The following DNAH9 variants were observed in gnomAD, a reference collection of about 807,000 sequenced individuals.
DNAH9 encodes DNAH9 variant protein.
DNAH9 carries 345 observed loss-of-function variants against 471.6 expected under a neutral mutation model. The observed-to-expected ratio is 0.73, with a 90% CI of 0.67 to 0.80. DNAH9 has a LOEUF of 0.80. Among genes scored for constraint, DNAH9 ranks in the 30% least tolerant of loss-of-function variants. The probability of loss-of-function intolerance (pLI) is 0.00; values close to 1 mark genes in which losing one functional copy is unlikely to be tolerated. For missense variants in DNAH9, 5,407 were observed against 5,609.2 expected, an observed-to-expected ratio of 0.96 and a Z score of 1.15; for synonymous variants, 2,093 against 2,123.6, an observed-to-expected ratio of 0.99 and a Z score of 0.40.
intron 19 of DNAH9, among the ~76,000 whole-genome samples, chr17:11,682,076 T>A (rs2150743242): frequency 6.6e-6 from 1 of 152,292 alleles, no homozygotes; most frequent in South Asian, 2.1e-4. Context: ...CTGGTTGTTG[T>A]CTGGGAGTTT....
rs1331883139 is a variant in DNAH9, at chr17:11,690,056, C to T, written c.4234C>T (p.Gln1412Ter). 3.1e-6 allele frequency: 5 copies of T among 1,614,030 alleles called. No homozygotes were observed. The highest frequency in any genetic ancestry group is 4.2e-6 in the Non-Finnish European group (5 of 1,180,010). ...CACCCTAGCGCACCTGCTGCAGCTC[C>T]AGCTGCACCACTATGAGGATGAGGT... Reference protein sequence around the residue: ...DTTLAHLLQLQLHHYEDEVRG... With the variant: ...DTTLAHLLQL Residue 1412 changes from glutamine (Q) to a stop codon, truncating the protein, a stop_gained, in exon 20 of 69, where the codon CAG becomes TAG. Coordinates refer to ENST00000262442, the MANE Select transcript of DNAH9 (RefSeq NM_001372.4). LOFTEE classifies it high-confidence loss of function.
intron 17 of DNAH9, among the ~76,000 whole-genome samples, chr17:11,674,613 G>A (rs2074022184): frequency 6.6e-6 from 1 of 151,810 alleles, no homozygotes. Context: ...TGTATGTCTT[G>A]CAAATGGAGT....
chr17:11,755,786 A>G (rs1967358774), intron 33 of DNAH9, among the ~76,000 whole-genome samples: 1 of 152,178 alleles, frequency 6.6e-6, no homozygotes, highest in Non-Finnish European at 1.5e-5. Context: ...CATCACAAAG[A>G]AGGAATATAT....
Position 11,701,189 on chromosome 17 carries a change from G to T in DNAH9, c.5093G>T (p.Gly1698Val), listed in dbSNP as rs765344007. ...KATVRHEMTE[G>V]VTAYEEKPRE... Reference sequence around the variant, plus strand: ...ACTGTGAGGCATGAGATGACAGAAGGTGTAACTGCCTATGAAGAAAAGCCG... The same window carrying T: ...ACTGTGAGGCATGAGATGACAGAAGTTGTAACTGCCTATGAAGAAAAGCCG... The change falls in exon 24 of 69, where the codon GGT (glycine) becomes GTT (valine). Residue 1698 changes from glycine (G) to valine (V), a missense_variant. Physicochemically the swap from Gly to Val is moderately radical, Grantham distance 109. This residue lies in a region of DNAH9 where 4,636 missense variants were observed against 4,900.3 expected (regional missense o/e 0.95). Coordinates refer to ENST00000262442, the MANE Select transcript of DNAH9 (RefSeq NM_001372.4). 1.9e-6 allele frequency: 3 copies of T among 1,614,094 alleles called. No homozygotes were observed. Among genetic ancestry groups the T allele is most frequent in the Non-Finnish European group, 2.5e-6 (3 of 1,179,988 alleles).
chr17:11,659,820 C>CT (rs1481489746), intron 14 of DNAH9, among the ~76,000 whole-genome samples: 1 of 152,202 alleles, frequency 6.6e-6, no homozygotes, highest in Non-Finnish European at 1.5e-5. Flanking sequence ...CGTTGGCCCC[C>CT]TGGGCCCACC....
At chr17:11,869,848 C>T (rs1235145194) in intron 51 of DNAH9, among the ~76,000 whole-genome samples, 18 of 152,194 alleles carry the variant, frequency 1.2e-4, no homozygotes, top group Non-Finnish European at 1.0e-4. Flanking sequence ...CATAATATCT[C>T]ACAAGTTTGT....
At chr17:11,750,113 C>T (rs890878603) in intron 32 of DNAH9, among the ~76,000 whole-genome samples, 36 of 151,940 alleles carry the variant, frequency 2.4e-4, no homozygotes, top group Non-Finnish European at 4.3e-4. Context: ...AAGGTAACTT[C>T]GAAGTAAATG....
At chr17:11,694,209 T>C in intron 21 of DNAH9, 112 bp from the exon 22 acceptor site, 2 of 1,326,000 alleles carry the variant, frequency 1.5e-6, no homozygotes, top group East Asian at 4.6e-5. Context: ...TAAGTGTTTC[T>C]TGTGCTAATG....
intron 43 of DNAH9, among the ~76,000 whole-genome samples, chr17:11,803,139 T>C (rs1463000928): frequency 6.6e-6 from 1 of 152,258 alleles, no homozygotes; most frequent in Non-Finnish European, 1.5e-5. Flanking sequence ...GTAGTACCAC[T>C]TTTCTACTGA....
chr17:11,601,341 AAAGG>A lies in DNAH9; in HGVS notation c.417+2432_417+2435del, dbSNP rs1283458358. 3.5e-5 allele frequency among the ~76,000 whole-genome samples: 5 copies of A among 142,282 alleles called. No homozygotes were observed. In the South Asian group the frequency reaches 1.1e-3, roughly 30 times the overall value. The allele number at this position is 142,282 out of a possible 152,430, so 93.3% of individuals were successfully genotyped here. A position where few individuals can be genotyped will look rare whatever the true frequency, so the allele number is the denominator to read the frequency against. ...AAAAGAAAGGAGGGGAAGAAGAGAG[AAAGG>A]AAGGAGGGAAGGGAGGGTGGGAGGG... is the stretch of plus-strand genomic sequence containing the variant. On this transcript the variant is annotated intron_variant, in intron 1 of 68. Transcript: ENST00000262442.
chr17:11,775,595 C>CTTTTTTT lies in DNAH9; in HGVS notation c.7553-5393_7553-5387dup, dbSNP rs71142246. ...GCTATTTTTCTCAAAATCAGATGTT[C>CTTTTTTT]TTTTTTTTTTTTTTTTTTTTTTTTT... On this transcript the variant is annotated intron_variant, in intron 38 of 68. Coordinates refer to ENST00000262442, the MANE Select transcript of DNAH9 (RefSeq NM_001372.4). Among the ~76,000 whole-genome samples the CTTTTTTT allele has an allele frequency of 1.6e-4, 10 of 61,014 alleles. 1 individual carries two copies. Among genetic ancestry groups the CTTTTTTT allele is most frequent in the African/African-American group, 7.6e-4 (10 of 13,200 alleles). The allele number at this position is 61,014 out of a possible 152,430, so 40.0% of individuals were successfully genotyped here. A position where few individuals can be genotyped will look rare whatever the true frequency, so the allele number is the denominator to read the frequency against.
At chr17:11,729,481 G>A (rs1467314896) in intron 28 of DNAH9, among the ~76,000 whole-genome samples, 2 of 152,174 alleles carry the variant, frequency 1.3e-5, no homozygotes, top group Non-Finnish European at 2.9e-5. Flanking sequence ...TTTTGCTTGT[G>A]TTTGCTTTTA....
intron 39 of DNAH9, among the ~76,000 whole-genome samples, chr17:11,782,466 G>A (rs80123341): frequency 0.041 from 6,194 of 152,056 alleles, 196 homozygotes; most frequent in East Asian, 0.14. Flanking sequence ...CAACTCACCC[G>A]TGTCCCCATG....
intron 48 of DNAH9, among the ~76,000 whole-genome samples, chr17:11,831,354 G>A (rs751603533): frequency 6.6e-5 from 10 of 151,922 alleles, no homozygotes; most frequent in Non-Finnish European, 1.5e-4. Context: ...GAGAGGGGAG[G>A]GAGATGCCAG....
rs768755845 is a variant in DNAH9, at chr17:11,610,421, A to G, written c.640A>G (p.Ile214Val). The G allele has an allele frequency of 3.1e-6, 5 of 1,613,594 alleles. No homozygotes were observed. Among genetic ancestry groups the G allele is most frequent in the African/African-American group, 2.7e-5 (2 of 74,908 alleles). Residue 214 changes from isoleucine (I) to valine (V), a missense_variant, in exon 3 of 69, where the codon ATC (isoleucine) becomes GTC (valine). This residue lies in a region of DNAH9 where 767 missense variants were observed against 692.5 expected (regional missense o/e 1.11). Transcript: ENST00000262442. ...TVLDSIDKSV[I>V]YAIESAVIKW... Reference sequence around the variant, plus strand: ...CTTGGATTCTATAGATAAGTCAGTCATCTATGCCATTGAGTCTGCAGTGAT... The same window carrying G: ...CTTGGATTCTATAGATAAGTCAGTCGTCTATGCCATTGAGTCTGCAGTGAT...
chr17:11,849,115 C>T (rs963461305), intron 49 of DNAH9, among the ~76,000 whole-genome samples: 1 of 152,168 alleles, frequency 6.6e-6, no homozygotes, highest in Non-Finnish European at 1.5e-5. Flanking sequence ...GCATTACAAG[C>T]GTGAGCCACC....
rs531856756 is a variant in DNAH9, at chr17:11,635,502, C to T, written c.1636-1132C>T. Among the ~76,000 whole-genome samples the T allele has an allele frequency of 2.6e-5, 4 of 152,028 alleles. No individual in the cohort carries two copies. The South Asian group carries it at 8.3e-4, about 32-fold the overall frequency. On this transcript the variant is annotated intron_variant, in intron 8 of 68. Coordinates refer to ENST00000262442, the MANE Select transcript of DNAH9 (RefSeq NM_001372.4). ...GGCCCTCTTTTCAATTTTTTTAATT[C>T]TCTTTTGAAATGCAAAAACCATGCA...
intron 41 of DNAH9, among the ~76,000 whole-genome samples, chr17:11,790,211 T>A (rs1416531823): frequency 6.6e-6 from 1 of 152,042 alleles, no homozygotes; most frequent in African/African-American, 2.4e-5. Context: ...TTTAAAAAAT[T>A]CCTAAAATTT....
intron 51 of DNAH9, 23 bp from the exon 52 acceptor site, chr17:11,871,575 C>T (rs1972263581): frequency 1.9e-6 from 3 of 1,610,108 alleles, no homozygotes; most frequent in Middle Eastern, 1.7e-4. Context: ...GCCTCCTCTC[C>T]TCTCTGGCTT....
Sources: gnomAD v4.1 joint callset for allele counts (sites outside exome capture counted in the v4.1 genomes callset) on GRCh38, gnomAD v4.1.1 for gene constraint, gnomAD v4.1.1 regional missense constraint, MANE v1.5 for transcripts, NCBI Gene and HGNC (gene_info 2026-07-23, HGNC 2026-07-21) for gene names.